The following CDH13 variants were observed in gnomAD, a reference collection of about 807,000 sequenced individuals.
CDH13 encodes cadherin 13.
Under a neutral mutation model 63.8 loss-of-function variants are expected in CDH13, and 24 were observed. That is an observed-to-expected ratio of 0.38 (90% CI 0.27 to 0.53). The LOEUF is 0.53. Ranked by LOEUF, CDH13 falls within the 20% of genes least tolerant of loss-of-function variation. The pLI is 0.85. For missense variants in CDH13, 1,049 were observed against 903.1 expected (o/e 1.16, Z -2.07); for synonymous variants, 503 against 355.3 (o/e 1.42, Z -4.67).
chr16:82,967,633 C>A (rs1254255431), intron 2 of CDH13, among the ~76,000 whole-genome samples: 1 of 152,042 alleles, frequency 6.6e-6, no homozygotes, highest in Admixed American at 6.6e-5. Context: ...GGCAAGGCCA[C>A]TGGAAAGCCA....
At chr16:83,160,325 T>C (rs2037392391) in intron 4 of CDH13, among the ~76,000 whole-genome samples, 1 of 152,108 alleles carries the variant, frequency 6.6e-6, no homozygotes, top group Non-Finnish European at 1.5e-5. Context: ...CTTTCAATTT[T>C]ATTATAAACC....
At chr16:83,370,993 C>G (rs1319610163) in intron 6 of CDH13, among the ~76,000 whole-genome samples, 1 of 152,192 alleles carries the variant, frequency 6.6e-6, no homozygotes, top group Non-Finnish European at 1.5e-5. Context: ...GATACCATCT[C>G]ACACCAGTCA....
intron 2 of CDH13, among the ~76,000 whole-genome samples, chr16:82,863,352 C>G (rs1184025920): frequency 2.0e-5 from 3 of 152,182 alleles, no homozygotes; most frequent in Admixed American, 1.3e-4. Flanking sequence ...TCTCCCTGTG[C>G]CATCTTAGAA....
At position 83,089,934 on chromosome 16, in the gene CDH13, G is replaced by A. The variant is rs1012621009; in HGVS notation, c.367-35451G>A. Among the ~76,000 whole-genome samples, 28 of 152,108 alleles carry A rather than the reference G, an allele frequency of 1.8e-4. 1 individual carries two copies. The highest frequency in any genetic ancestry group is 3.3e-4 in the Admixed American group (5 of 15,272). ...AACGACATCCTAAGAGATGCTCTGA[G>A]GACCATACTTTGCATAGCAAGAAAT... is the stretch of plus-strand genomic sequence containing the variant. On this transcript the variant is annotated intron_variant, in intron 3 of 13. Coordinates refer to ENST00000567109, the MANE Select transcript of CDH13 (RefSeq NM_001257.5).
chr16:83,345,074 C>T (rs529657618), intron 6 of CDH13, 68 bp downstream of exon 6: 7 of 1,553,216 alleles, frequency 4.5e-6, no homozygotes, highest in Non-Finnish European at 6.2e-6. Context: ...TTTGTGGATT[C>T]TAGGGACTGT....
At chr16:82,969,939 C>CTT (rs573942848) in intron 2 of CDH13, among the ~76,000 whole-genome samples, 7 of 146,410 alleles carry the variant, frequency 4.8e-5, no homozygotes, top group Admixed American at 1.4e-4. Flanking sequence ...TAGTATTTCT[C>CTT]TTTTTTTTTT....
At chr16:82,747,317 C>A (rs562210196) in intron 1 of CDH13, among the ~76,000 whole-genome samples, 2 of 152,076 alleles carry the variant, frequency 1.3e-5, no homozygotes, top group African/African-American at 2.4e-5. Flanking sequence ...GGAGTATGCA[C>A]GTTAAAGTTT....
intron 10 of CDH13, among the ~76,000 whole-genome samples, chr16:83,689,398 T>G (rs906235402): frequency 6.6e-6 from 1 of 152,124 alleles, no homozygotes; most frequent in Non-Finnish European, 1.5e-5. Flanking sequence ...GTCAGTTGCA[T>G]AGGGAAAATA....
chr16:82,794,509 A>G (rs921313954), intron 1 of CDH13, among the ~76,000 whole-genome samples: 15 of 151,754 alleles, frequency 9.9e-5, no homozygotes, highest in Admixed American at 4.0e-4. Context: ...GGCTAGGAAT[A>G]GCTGATAAAT....
intron 3 of CDH13, among the ~76,000 whole-genome samples, chr16:83,108,549 C>A (rs1294712779): frequency 1.3e-5 from 2 of 152,222 alleles, no homozygotes. Flanking sequence ...GCAAAGGGCA[C>A]AAACTTCCTT....
At chr16:83,160,577 G>C (rs559504337) in intron 4 of CDH13, among the ~76,000 whole-genome samples, 1 of 152,168 alleles carries the variant, frequency 6.6e-6, no homozygotes, top group Non-Finnish European at 1.5e-5. Context: ...TGTGGTGCTC[G>C]TGTGGCCTTC....
chr16:83,254,267 C>G (rs1047550032), intron 5 of CDH13, among the ~76,000 whole-genome samples: 37 of 152,172 alleles, frequency 2.4e-4, no homozygotes, highest in African/African-American at 8.4e-4. Context: ...CATAAGAAAG[C>G]GTATAGCTCA....
At position 83,004,187 on chromosome 16, in the gene CDH13, G is replaced by A. The variant is rs111922486; in HGVS notation, c.158-27823G>A. ...CCAGCTGAATCCCATTCCTTATACC[G>A]TGAGTATCTGTGTTCCCTTGCAGCG... On this transcript the variant is annotated intron_variant, in intron 2 of 13. Coordinates refer to ENST00000567109, the MANE Select transcript of CDH13 (RefSeq NM_001257.5). Among the ~76,000 whole-genome samples, 495 of 152,250 alleles carry A rather than the reference G, an allele frequency of 3.3e-3. 3 individuals are homozygous for A. The Middle Eastern group carries it at 0.037, about 12-fold the overall frequency.
intron 8 of CDH13, among the ~76,000 whole-genome samples, chr16:83,621,411 T>TCCA (rs1192486409): frequency 4.0e-5 from 6 of 149,326 alleles, no homozygotes; most frequent in Middle Eastern, 3.2e-3. Context: ...ACCACCGTTT[T>TCCA]CCACTCTGCT....
chr16:83,690,685 G>T (rs1904771289), intron 10 of CDH13, among the ~76,000 whole-genome samples: 1 of 152,166 alleles, frequency 6.6e-6, no homozygotes, highest in Non-Finnish European at 1.5e-5. Context: ...GATGGTTGCA[G>T]TGCAGGCAGT....
chr16:83,083,579 T>C lies in CDH13; in HGVS notation c.367-41806T>C, dbSNP rs567754005. Among the ~76,000 whole-genome samples, 43 of 152,338 alleles carry C rather than the reference T, an allele frequency of 2.8e-4. 1 individual carries two copies. Among genetic ancestry groups the C allele is most frequent in the African/African-American group, 9.4e-4 (39 of 41,582 alleles). The stretch of plus-strand genomic sequence containing the variant: ...CACATCAGCCCCACCGAAATTCTGT[T>C]GTTTTCTCTAGTACTCTATGCTGCC... On this transcript the variant is annotated intron_variant, in intron 3 of 13. Coordinates refer to ENST00000567109, the MANE Select transcript of CDH13 (RefSeq NM_001257.5).
intron 8 of CDH13, among the ~76,000 whole-genome samples, chr16:83,635,407 G>T (rs1195345204): frequency 9.9e-5 from 12 of 120,948 alleles, no homozygotes; most frequent in Admixed American, 1.1e-4. Context: ...CCAGGGGTGT[G>T]ACCTCGGCTC....
At chr16:82,906,378 C>G (rs1454041090) in intron 2 of CDH13, among the ~76,000 whole-genome samples, 1 of 152,134 alleles carries the variant, frequency 6.6e-6, no homozygotes, top group Non-Finnish European at 1.5e-5. Flanking sequence ...CTTTTGTTAC[C>G]ACATCAAAGC....
intron 7 of CDH13, among the ~76,000 whole-genome samples, chr16:83,488,060 C>G (rs979692819): frequency 7.9e-5 from 12 of 152,182 alleles, no homozygotes; most frequent in African/African-American, 2.9e-4. Flanking sequence ...CCTGAATTGT[C>G]CAGTAGAGTA....
Sources: gnomAD v4.1 joint callset for allele counts (sites outside exome capture counted in the v4.1 genomes callset) on GRCh38, gnomAD v4.1.1 for gene constraint, MANE v1.5 for transcripts, NCBI Gene and HGNC (gene_info 2026-07-23, HGNC 2026-07-21) for gene names.